The following TCP11L2 variants were observed in gnomAD, a reference collection of about 807,000 sequenced individuals.
TCP11L2 encodes t-complex 11 like 2, also known as T-complex protein 11-like protein 2.
Under a neutral mutation model 50.7 loss-of-function variants are expected in TCP11L2, and 39 were observed. The ratio of observed to expected loss-of-function variants is 0.77; its 90% CI spans 0.60 to 1.01. The LOEUF is 1.01. Among genes scored for constraint, TCP11L2 ranks in the 50% least tolerant of loss-of-function variants. The probability of loss-of-function intolerance (pLI) is 0.00; values close to 1 mark genes in which losing one functional copy is unlikely to be tolerated. For synonymous variants in TCP11L2, 192 were observed against 219.3 expected (o/e 0.88, Z 1.10); for missense variants, 612 against 614.7 (o/e 1.00, Z 0.05).
upstream of TCP11L2, among the ~76,000 whole-genome samples, chr12:106,300,953 T>C (rs180844859): frequency 2.6e-5 from 4 of 152,240 alleles, no homozygotes; most frequent in Admixed American, 2.6e-4. Context: ...AAAACAATAC[T>C]TAAATCCTTA....
chr12:106,335,261 A>C (rs2035876055), intron 6 of TCP11L2, among the ~76,000 whole-genome samples: 1 of 152,212 alleles, frequency 6.6e-6, no homozygotes, highest in Non-Finnish European at 1.5e-5. Context: ...GCTGGCTTCT[A>C]ACCACCCATC....
intron 4 of TCP11L2, among the ~76,000 whole-genome samples, 153 bp from the exon 5 acceptor site, chr12:106,321,333 T>C (rs552767467): frequency 7.9e-5 from 12 of 152,344 alleles, no homozygotes; most frequent in Non-Finnish European, 1.6e-4. Context: ...ACTGGAATGC[T>C]CCTCTGATCC....
At chr12:106,337,179 A>C (rs2035947980) in intron 8 of TCP11L2, among the ~76,000 whole-genome samples, 1 of 152,218 alleles carries the variant, frequency 6.6e-6, no homozygotes, top group South Asian at 2.1e-4. Context: ...TGTCCTCTTT[A>C]TTCCTGTAAT....
upstream of TCP11L2, chr12:106,301,903 A>G (rs2034427083): frequency 6.6e-6 from 1 of 152,242 alleles, no homozygotes; most frequent in Non-Finnish European, 1.5e-5. Flanking sequence ...AGAACCCTAG[A>G]GGAAGTAAGA....
At chr12:106,331,963 C>G (rs964410636) in intron 6 of TCP11L2, among the ~76,000 whole-genome samples, 5 of 152,224 alleles carry the variant, frequency 3.3e-5, no homozygotes, top group African/African-American at 7.2e-5. Flanking sequence ...TGATCAGTCT[C>G]TTTGCACTGC....
At chr12:106,334,591 T>C (rs2035847259) in intron 6 of TCP11L2, among the ~76,000 whole-genome samples, 1 of 152,232 alleles carries the variant, frequency 6.6e-6, no homozygotes. Flanking sequence ...AATTCAGTCT[T>C]TCTTTCCAAG....
chr12:106,322,659 G>A (rs1453512840), intron 5 of TCP11L2, among the ~76,000 whole-genome samples: 7 of 152,148 alleles, frequency 4.6e-5, no homozygotes, highest in African/African-American at 1.7e-4. Context: ...GTGTATGGTG[G>A]CCACATTGAG....
chr12:106,339,837 G>T (rs946509120), intron 8 of TCP11L2, among the ~76,000 whole-genome samples: 2 of 152,266 alleles, frequency 1.3e-5, no homozygotes, highest in Non-Finnish European at 2.9e-5. Flanking sequence ...GTCAGGTCCA[G>T]TGTGGGCTTA....
At chr12:106,318,026 A>G (rs1323955649) in intron 3 of TCP11L2, among the ~76,000 whole-genome samples, 4 of 152,236 alleles carry the variant, frequency 2.6e-5, no homozygotes, top group African/African-American at 7.2e-5. Context: ...GAACAAGTCT[A>G]AAGATCTATA....
intron 1 of TCP11L2, 150 bp from the exon 2 acceptor site, chr12:106,310,891 G>A (rs2034826580): frequency 1.1e-5 from 7 of 655,956 alleles, no homozygotes; most frequent in Non-Finnish European, 1.3e-5. Context: ...GGCCTAGTCC[G>A]GCCAAGGTGC....
intron 6 of TCP11L2, among the ~76,000 whole-genome samples, chr12:106,331,341 G>GAA (rs893632941): frequency 4.6e-5 from 7 of 152,038 alleles, no homozygotes; most frequent in African/African-American, 1.7e-4. Context: ...GAAAAGAAAA[G>GAA]AAAAAAGCCA....
chr12:106,346,729 C>A lies in TCP11L2; in HGVS notation c.*199C>A. ...TCAGAAGACGTAAACATCACATAGA[C>A]CCTATTTGTGCATCATTTTCAAGTT... On this transcript the variant is annotated 3_prime_UTR_variant, in exon 10 of 10. Coordinates refer to ENST00000299045, the MANE Select transcript of TCP11L2 (RefSeq NM_152772.3). 1 of 517,432 alleles carries A rather than the reference C, an allele frequency of 1.9e-6. No individual in the cohort carries two copies. Among genetic ancestry groups the A allele is most frequent in the Non-Finnish European group, 3.2e-6 (1 of 309,918 alleles). 32.1% of individuals were successfully genotyped at this position (517,432 alleles called of 1,614,324 possible). A position where few individuals can be genotyped will look rare whatever the true frequency, so the allele number is the denominator to read the frequency against.
At chr12:106,312,115 CTCT>C (rs2034875982) in intron 2 of TCP11L2, among the ~76,000 whole-genome samples, 2 of 152,126 alleles carry the variant, frequency 1.3e-5, no homozygotes, top group Admixed American at 6.5e-5. Flanking sequence ...TGTGTGTGGA[CTCT>C]TCTTGCTTAG....
chr12:106,333,684 AAAAGT>A (rs1287540396), intron 6 of TCP11L2, among the ~76,000 whole-genome samples: 6 of 152,184 alleles, frequency 3.9e-5, no homozygotes, highest in African/African-American at 1.4e-4. Flanking sequence ...AATAATTATA[AAAAGT>A]AAAGGTAAAC....
chr12:106,327,429 TC>T (rs1168194546), intron 6 of TCP11L2, among the ~76,000 whole-genome samples: 1 of 152,138 alleles, frequency 6.6e-6, no homozygotes, highest in African/African-American at 2.4e-5. Flanking sequence ...ACTGGCTTCT[TC>T]CTGCCTCTCA....
intron 2 of TCP11L2, chr12:106,312,581 T>C (rs2034904971): frequency 6.1e-6 from 2 of 328,744 alleles, no homozygotes; most frequent in Non-Finnish European, 9.1e-6. Flanking sequence ...CTCCTCCTCA[T>C]CTTCTCCTAA....
chr12:106,339,939 TC>T (rs1282862730), intron 8 of TCP11L2, among the ~76,000 whole-genome samples: 1 of 152,238 alleles, frequency 6.6e-6, no homozygotes, highest in Non-Finnish European at 1.5e-5. Context: ...CTCTTTTCCT[TC>T]TTCCATGTGC....
chr12:106,307,643 C>T (rs937493160), intron 1 of TCP11L2, among the ~76,000 whole-genome samples: 1 of 152,130 alleles, frequency 6.6e-6, no homozygotes, highest in Admixed American at 6.5e-5. Context: ...AAGGAACTTG[C>T]GGAAGACCAT....
intron 4 of TCP11L2, among the ~76,000 whole-genome samples, chr12:106,320,129 G>A (rs559935330): frequency 5.6e-4 from 85 of 152,282 alleles, no homozygotes; most frequent in African/African-American, 1.9e-3. Flanking sequence ...AGCTGGGCGC[G>A]GCGGCTCATG....
Sources: gnomAD v4.1 joint callset for allele counts (sites outside exome capture counted in the v4.1 genomes callset) on GRCh38, gnomAD v4.1.1 for gene constraint, MANE v1.5 for transcripts, NCBI Gene and HGNC (gene_info 2026-07-23, HGNC 2026-07-21) for gene names.